The following C22orf23 variants were observed in gnomAD, a reference collection of about 807,000 sequenced individuals.
The protein encoded by C22orf23 is UPF0193 protein EVG1.
Under a neutral mutation model 29.7 loss-of-function variants are expected in C22orf23, and 30 were observed. The observed-to-expected ratio is 1.01, with a 90% CI of 0.76 to 1.37. The LOEUF (loss-of-function observed/expected upper bound fraction) is 1.37, where lower values mean the gene tolerates loss of function less well. Among genes scored for constraint, C22orf23 ranks in the 40% most tolerant of loss-of-function variants. The pLI is 0.00. For synonymous variants in C22orf23, 90 were observed against 96.1 expected (o/e 0.94, Z 0.37); for missense variants, 237 against 273.1 (o/e 0.87, Z 0.93).
chr22:37,951,404 T>TA, intron 3 of C22orf23, 56 bp downstream of exon 3: 1 of 1,488,696 alleles, frequency 6.7e-7, no homozygotes. Context: ...GGAGAAGCAT[T>TA]AAAAGTGTGG....
Position 37,943,743 on chromosome 22 carries a change from T to C in C22orf23, c.*432A>G, listed in dbSNP as rs1930528156. 5.2e-6 allele frequency: 1 copy of C among 192,626 alleles called. No homozygotes were observed. The highest frequency in any genetic ancestry group is 1.1e-5 in the Non-Finnish European group (1 of 92,432). The allele number at this position is 192,626 out of a possible 1,614,324, so 11.9% of individuals were successfully genotyped here. On this transcript the variant is annotated 3_prime_UTR_variant, in exon 7 of 7. Coordinates refer to ENST00000403305, the MANE Select transcript of C22orf23 (RefSeq NM_032561.5). ...GGTGCTTGTAATGACCCACGTTAAA[T>C]ATGTTTTATTGGCCAGTTAATCATT...
rs1329085926 is a variant in C22orf23, at chr22:37,944,169, G to T, written c.*6C>A. 6.2e-7 allele frequency: 1 copy of T among 1,613,494 alleles called. No homozygotes were observed. The highest frequency in any genetic ancestry group is 8.5e-7 in the Non-Finnish European group (1 of 1,179,498). The stretch of plus-strand genomic sequence containing the variant: ...TTGGGCTACCCTGCCCGTCTCTGGA[G>T]ACAGATTAAGTGGTGGCAAGACCCT... On this transcript the variant is annotated 3_prime_UTR_variant, in exon 7 of 7. Coordinates refer to ENST00000403305, the MANE Select transcript of C22orf23 (RefSeq NM_032561.5).
chr22:37,947,185 G>A, intron 4 of C22orf23, 96 bp downstream of exon 4: 1 of 1,320,000 alleles, frequency 7.6e-7, no homozygotes, highest in Non-Finnish European at 1.1e-6. Context: ...GATTTGATTA[G>A]CTACCTTCCC....
At chr22:37,952,859 G>A (rs1053639491) in intron 2 of C22orf23, 188 bp downstream of exon 2, 4 of 547,274 alleles carry the variant, frequency 7.3e-6, no homozygotes, top group Non-Finnish European at 1.3e-5. Flanking sequence ...GAACCCTATT[G>A]TGAACTGCGC....
At chr22:37,950,514 C>T (rs1430142491) in intron 3 of C22orf23, among the ~76,000 whole-genome samples, 2 of 152,184 alleles carry the variant, frequency 1.3e-5, no homozygotes, top group Non-Finnish European at 2.9e-5. Flanking sequence ...AATCACAGCT[C>T]ATTGCAGCCT....
chr22:37,951,363 T>C, intron 3 of C22orf23, 97 bp downstream of exon 3: 1 of 1,142,484 alleles, frequency 8.8e-7, no homozygotes, highest in Non-Finnish European at 1.3e-6. Context: ...GTCTTTGTTT[T>C]TTTTATATGA....
chr22:37,949,058 G>T (rs966764527), intron 3 of C22orf23, among the ~76,000 whole-genome samples: 1 of 151,956 alleles, frequency 6.6e-6, no homozygotes, highest in Non-Finnish European at 1.5e-5. Context: ...TCTTTGTACC[G>T]ATGCTTTAAT....
chr22:37,944,302 TCA>T, intron 6 of C22orf23, 56 bp from the exon 7 acceptor site: 2 of 1,613,920 alleles, frequency 1.2e-6, no homozygotes, highest in Non-Finnish European at 1.7e-6. Flanking sequence ...TGAGGAGCTG[TCA>T]CAGCAGTGAG....
intron 3 of C22orf23, among the ~76,000 whole-genome samples, chr22:37,949,147 C>T (rs533338396): frequency 6.6e-6 from 1 of 152,234 alleles, no homozygotes; most frequent in South Asian, 2.1e-4. Flanking sequence ...AGGTACCTAT[C>T]CCTCCTGCTG....
intron 2 of C22orf23, among the ~76,000 whole-genome samples, chr22:37,951,977 G>A (rs1044260379): frequency 2.6e-5 from 4 of 151,344 alleles, no homozygotes; most frequent in Admixed American, 6.6e-5. Flanking sequence ...CACCACGCCC[G>A]GCTAATTTTG....
At position 37,953,026 on chromosome 22, in the gene C22orf23, TC is replaced by T. The variant is rs1332337098; in HGVS notation, c.103+20del. 6.3e-7 allele frequency: 1 copy of T among 1,583,966 alleles called. No individual in the cohort carries two copies. The highest frequency in any genetic ancestry group is 1.4e-5 in the African/African-American group (1 of 73,698). On this transcript the variant is annotated intron_variant, in intron 2 of 6. Coordinates refer to ENST00000403305, the MANE Select transcript of C22orf23 (RefSeq NM_032561.5). ...GTCCCTGGTGCCAAAAAGGCTGGGA[TC>T]GCTGCTTTAACGGACTGACCTCTGA...
In C22orf23 at chr22:37,947,502, CTTTTTTT is replaced by C. The variant is rs11359710; in HGVS notation, c.167-46_167-40del. 1.3e-3 allele frequency: 433 copies of C among 320,856 alleles called. 1 individual carries two copies. The highest frequency in any genetic ancestry group is 2.5e-3 in the East Asian group (17 of 6,844). 19.9% of individuals were successfully genotyped at this position (320,856 alleles called of 1,614,324 possible). ...AGTTGGGGTGGGAGGACCCACATGG[CTTTTTTT>C]TTTTTTTTTTTTTTTTTTTGAGTCT... is the stretch of plus-strand genomic sequence containing the variant. On this transcript the variant is annotated intron_variant, in intron 3 of 6. Transcript: ENST00000403305.
chr22:37,948,441 CTG>C (rs1041905188), intron 3 of C22orf23, among the ~76,000 whole-genome samples: 1 of 150,826 alleles, frequency 6.6e-6, no homozygotes, highest in African/African-American at 2.5e-5. Context: ...CTGAGCAAGA[CTG>C]TCTCAAAAAA....
At chr22:37,951,418 C>T (rs773459398) in intron 3 of C22orf23, 42 bp downstream of exon 3, 68 of 1,560,022 alleles carry the variant, frequency 4.4e-5, no homozygotes, top group Non-Finnish European at 5.9e-5. Context: ...AGTGTGGCCC[C>T]AGATCCCTCT....
rs1930763841 is a variant in C22orf23 at position 37,947,417 on chromosome 22, T to C, written c.213A>G (p.Arg71=). 6.2e-7 allele frequency: 1 copy of C among 1,609,748 alleles called. No individual in the cohort carries two copies. The highest frequency in any genetic ancestry group is 1.3e-5 in the African/African-American group (1 of 74,314). Residue 71 remains arginine, a synonymous_variant, in exon 4 of 7, where the codon AGA becomes AGG. Transcript: ENST00000403305. The stretch of plus-strand genomic sequence containing the variant: ...AGGCTATTTGCTTGGAAGGTAAGAC[T>C]CTCTGGCTGGATGTTGGGCTGCACT... ...PLQCSPTSSQ[R]VLPSKQIASP...
At chr22:37,953,384 A>T (rs533908437) in intron 1 of C22orf23, 64 bp downstream of exon 1, 2 of 574,840 alleles carry the variant, frequency 3.5e-6, no homozygotes, top group African/African-American at 3.8e-5. Context: ...CTCGGGAGGG[A>T]GTGTTAACAC....
At chr22:37,949,748 C>A (rs1003083638) in intron 3 of C22orf23, among the ~76,000 whole-genome samples, 1 of 151,922 alleles carries the variant, frequency 6.6e-6, no homozygotes, top group African/African-American at 2.4e-5. Flanking sequence ...CGTGAGCCAC[C>A]GCACCTGGCT....
At position 37,953,434 on chromosome 22, in the gene C22orf23, A is replaced by C. The variant is rs544830121; in HGVS notation, c.-10+14T>G. On this transcript the variant is annotated intron_variant, in intron 1 of 6. Transcript: ENST00000403305. Reference sequence around the variant, plus strand: ...CAGTACCCACTGAGTGATATGCCAAAATTGAAATTTCACCCTAAGACCCTC... The same window carrying C: ...CAGTACCCACTGAGTGATATGCCAACATTGAAATTTCACCCTAAGACCCTC... 23 of 534,180 alleles carry C rather than the reference A, an allele frequency of 4.3e-5. No homozygotes were observed. The highest frequency in any genetic ancestry group is 6.0e-5 in the Non-Finnish European group (18 of 302,216). 33.1% of individuals were successfully genotyped at this position (534,180 alleles called of 1,614,324 possible). A position where few individuals can be genotyped will look rare whatever the true frequency, so the allele number is the denominator to read the frequency against.
chr22:37,949,314 C>T (rs1452338089), intron 3 of C22orf23, among the ~76,000 whole-genome samples: 2 of 149,026 alleles, frequency 1.3e-5, no homozygotes, highest in African/African-American at 5.0e-5. Flanking sequence ...GACAGAGTCT[C>T]CCTCTGTTGC....
Sources: gnomAD v4.1 joint callset for allele counts (sites outside exome capture counted in the v4.1 genomes callset) on GRCh38, gnomAD v4.1.1 for gene constraint, MANE v1.5 for transcripts, NCBI Gene and HGNC (gene_info 2026-07-23, HGNC 2026-07-21) for gene names.